The following PRKG2 variants were observed in gnomAD, a reference collection of about 807,000 sequenced individuals.
The protein encoded by PRKG2 is protein kinase cGMP-dependent 2, also known as cGMP-dependent protein kinase 2.
Under a neutral mutation model 97.2 loss-of-function variants are expected in PRKG2, and 33 were observed. The ratio of observed to expected loss-of-function variants is 0.34; its 90% confidence interval spans 0.26 to 0.45. The LOEUF is 0.45. Ranked by LOEUF, PRKG2 falls within the 20% of genes least tolerant of loss-of-function variation. The pLI, the probability that PRKG2 is intolerant of heterozygous loss-of-function variation, is 1.00. For missense variants in PRKG2, 638 were observed against 900.0 expected (o/e 0.71, Z 3.73); for synonymous variants, 330 against 321.8 (o/e 1.03, Z -0.27).
chr4:81,150,956 T>C (rs2110056160), intron 8 of PRKG2, among the ~76,000 whole-genome samples: 1 of 152,284 alleles, frequency 6.6e-6, no homozygotes, highest in African/African-American at 2.4e-5. Context: ...CACTTTTAAA[T>C]TGCTACATAA....
At chr4:81,121,315 A>G (rs1387269952) in intron 14 of PRKG2, among the ~76,000 whole-genome samples, 1 of 152,110 alleles carries the variant, frequency 6.6e-6, no homozygotes, top group Non-Finnish European at 1.5e-5. Flanking sequence ...TGGCCTCATA[A>G]AATCAGTTAT....
At position 81,092,472 on chromosome 4, in the gene PRKG2, G is replaced by GGAAGGAAGGAAA; in HGVS notation, c.2127-21_2127-20insTTTCCTTCCTTC. ...AACCACCTGAGAAATGAGAAAGGAA[G>GGAAGGAAGGAAA]GAAGGAAGGAAGGAAGGAAGGAAGG... On this transcript the variant is annotated intron_variant, in intron 17 of 18. Transcript: ENST00000264399. The GGAAGGAAGGAAA allele has an allele frequency of 3.2e-6, 2 of 620,848 alleles. No individual in the cohort carries two copies. The highest frequency in any genetic ancestry group is 5.4e-6 in the Non-Finnish European group (2 of 367,094). The allele number at this position is 620,848 out of a possible 1,614,324, so 38.5% of individuals were successfully genotyped here. A position where few individuals can be genotyped will look rare whatever the true frequency, so the allele number is the denominator to read the frequency against.
At chr4:81,173,665 AATC>A (rs1277711234) in intron 3 of PRKG2, 1 of 152,120 alleles carries the variant, frequency 6.6e-6, no homozygotes, top group Non-Finnish European at 1.5e-5. Flanking sequence ...GGCAAATAAT[AATC>A]ATAAAATTGG....
rs11355853 is a variant in PRKG2, at chr4:81,214,153, TAA to T, written c.-14+781_-14+782del. Reference sequence around the variant, plus strand: ...GGCAGGTGTATGTTGCTCTCTTCCTTAAAAAAAAAAAAAAAAAGAAGGAGAAG... The same window carrying T: ...GGCAGGTGTATGTTGCTCTCTTCCTTAAAAAAAAAAAAAAAGAAGGAGAAG... On this transcript the variant is annotated intron_variant, in intron 1 of 18. Coordinates refer to ENST00000264399, the MANE Select transcript of PRKG2 (RefSeq NM_006259.3). Among the ~76,000 whole-genome samples the T allele has an allele frequency of 1.1e-3, 134 of 120,256 alleles. 1 individual carries two copies. The highest frequency in any genetic ancestry group is 1.6e-3 in the Non-Finnish European group (94 of 58,598). 78.9% of individuals were successfully genotyped at this position (120,256 alleles called of 152,430 possible).
At chr4:81,099,331 G>C (rs574905695) in intron 17 of PRKG2, among the ~76,000 whole-genome samples, 7 of 152,144 alleles carry the variant, frequency 4.6e-5, no homozygotes, top group African/African-American at 1.7e-4. Context: ...CTGGCAAACC[G>C]AATCCAGCAG....
Position 81,155,289 on chromosome 4 carries a change from G to A in PRKG2, c.913-1568C>T, listed in dbSNP as rs1748942798. On this transcript the variant is annotated intron_variant, in intron 6 of 18. Coordinates refer to ENST00000264399, the MANE Select transcript of PRKG2 (RefSeq NM_006259.3). ...CGAGAACTACGTGAAGAATGCAGAA[G>A]CCTCAGGAGCCGATGCGATCAGCTG... Among the ~76,000 whole-genome samples the A allele has an allele frequency of 2.0e-5, 3 of 151,966 alleles. No individual in the cohort carries two copies. In the South Asian group the frequency reaches 6.2e-4, roughly 32 times the overall value.
chr4:81,215,051 G>A lies in PRKG2; in HGVS notation c.-129C>T, dbSNP rs1212392430. 6.6e-6 allele frequency: 1 copy of A among 152,466 alleles called. No individual in the cohort carries two copies. The highest frequency in any genetic ancestry group is 1.5e-5 in the Non-Finnish European group (1 of 68,246). 9.4% of individuals were successfully genotyped at this position (152,466 alleles called of 1,614,324 possible). The stretch of plus-strand genomic sequence containing the variant: ...CAGCCGCCTGCGGCGCCGGAGCCCA[G>A]CGCAGGTCAGCTCAGCCAGCCCCGC... On this transcript the variant is annotated 5_prime_UTR_variant, in exon 1 of 19. Transcript: ENST00000264399.
At chr4:81,175,126 T>C (rs1750813089) in intron 2 of PRKG2, among the ~76,000 whole-genome samples, 167 bp from the exon 3 acceptor site, 2 of 152,072 alleles carry the variant, frequency 1.3e-5, no homozygotes, top group Non-Finnish European at 2.9e-5. Context: ...ATAACTACCA[T>C]AGCTTACATG....
At chr4:81,190,739 G>A (rs1426369565) in intron 2 of PRKG2, among the ~76,000 whole-genome samples, 6 of 151,410 alleles carry the variant, frequency 4.0e-5, no homozygotes, top group Admixed American at 6.6e-5. Context: ...ACAAATCTAC[G>A]AGAAAAAAAA....
chr4:81,209,858 T>TG (rs1207865099), intron 1 of PRKG2, among the ~76,000 whole-genome samples: 1 of 151,870 alleles, frequency 6.6e-6, no homozygotes, highest in Non-Finnish European at 1.5e-5. Flanking sequence ...GTTGTATTGG[T>TG]GAAAAAATAG....
chr4:81,164,376 G>A (rs543055794), intron 6 of PRKG2, among the ~76,000 whole-genome samples: 1 of 151,856 alleles, frequency 6.6e-6, no homozygotes, highest in South Asian at 2.1e-4. Flanking sequence ...TAGCTCAATG[G>A]TTCATAAACT....
intron 2 of PRKG2, among the ~76,000 whole-genome samples, chr4:81,178,147 C>G (rs1294787708): frequency 6.7e-6 from 1 of 148,754 alleles, no homozygotes; most frequent in Non-Finnish European, 1.5e-5. Context: ...GGAGTAAGAA[C>G]AAAGCAAAAT....
At chr4:81,101,921 T>C (rs1006963890) in intron 17 of PRKG2, among the ~76,000 whole-genome samples, 1 of 152,178 alleles carries the variant, frequency 6.6e-6, no homozygotes, top group Admixed American at 6.6e-5. Context: ...TAAAGACTTG[T>C]GGAAGGTTTT....
intron 2 of PRKG2, among the ~76,000 whole-genome samples, chr4:81,189,964 G>A (rs1179561673): frequency 6.6e-6 from 1 of 152,116 alleles, no homozygotes; most frequent in Non-Finnish European, 1.5e-5. Flanking sequence ...CATGCTTATG[G>A]ATAGGAAGAA....
chr4:81,121,616 T>C (rs1039456330), intron 14 of PRKG2, among the ~76,000 whole-genome samples: 1 of 152,176 alleles, frequency 6.6e-6, no homozygotes. Context: ...TATTCTTTTA[T>C]TATTAACTTA....
intron 2 of PRKG2, among the ~76,000 whole-genome samples, chr4:81,189,737 T>G (rs1752304377): frequency 6.8e-6 from 1 of 148,132 alleles, no homozygotes; most frequent in African/African-American, 2.6e-5. Flanking sequence ...GTTGTGCACA[T>G]GTACCCTAAA....
chr4:81,118,972 T>C (rs1744820117), intron 14 of PRKG2, among the ~76,000 whole-genome samples: 1 of 152,142 alleles, frequency 6.6e-6, no homozygotes, highest in Non-Finnish European at 1.5e-5. Flanking sequence ...TTTTTTTGTG[T>C]TTTTTGTAGA....
At chr4:81,208,258 A>G (rs1053639728) in intron 1 of PRKG2, among the ~76,000 whole-genome samples, 3 of 152,198 alleles carry the variant, frequency 2.0e-5, no homozygotes, top group Non-Finnish European at 4.4e-5. Context: ...AGTACCCCAT[A>G]TGATGCCTGG....
At chr4:81,099,266 G>T (rs1163609226) in intron 17 of PRKG2, among the ~76,000 whole-genome samples, 3 of 152,052 alleles carry the variant, frequency 2.0e-5, no homozygotes, top group Non-Finnish European at 4.4e-5. Flanking sequence ...ACAAAAAAGA[G>T]AATTTTAGAC....
Sources: allele counts gnomAD v4.1 joint callset (sites outside exome capture counted in the v4.1 genomes callset), GRCh38; gene constraint gnomAD v4.1.1; transcripts MANE v1.5; gene names NCBI Gene and HGNC (gene_info 2026-07-23, HGNC 2026-07-21).